Variants in SAMD5 observed in about 807,000 individuals in gnomAD.
SAMD5 encodes the protein sterile alpha motif domain containing 5, also known as sterile alpha motif domain-containing protein 5.
A neutral mutation model predicts 11.3 loss-of-function variants in SAMD5; 13 were observed. The ratio of observed to expected loss-of-function variants is 1.15; its 90% CI spans 0.75 to 1.83. The LOEUF (loss-of-function observed/expected upper bound fraction) is 1.83, where lower values mean the gene tolerates loss of function less well. Ranked by LOEUF, SAMD5 falls within the 40% of genes most tolerant of loss-of-function variation. The pLI is 0.00. For missense variants in SAMD5, 255 were observed against 239.1 expected (o/e 1.07, Z -0.44); for synonymous variants, 129 against 111.3 (o/e 1.16, Z -1.00).
At chr6:147,858,311 T>C in the SAMD5 span, among the ~76,000 whole-genome samples, 2 of 152,180 alleles carry the variant, frequency 1.3e-5, no homozygotes, top group Admixed American at 6.5e-5. Flanking sequence ...GCTAGTATAC[T>C]TCTTGGGCCT....
intron 1 of SAMD5, among the ~76,000 whole-genome samples, chr6:147,680,180 T>G (rs1226851429): frequency 6.6e-6 from 1 of 152,116 alleles, no homozygotes; most frequent in Non-Finnish European, 1.5e-5. Flanking sequence ...CGTAACTGTC[T>G]CTCCATTTAT....
the SAMD5 span, among the ~76,000 whole-genome samples, chr6:147,884,375 C>T: frequency 5.9e-5 from 9 of 152,162 alleles, no homozygotes; most frequent in Non-Finnish European, 7.3e-5. Flanking sequence ...GTTGATTTCC[C>T]GGGACACCTG....
intron 1 of SAMD5, among the ~76,000 whole-genome samples, chr6:147,719,761 AT>A (rs749781663): frequency 8.5e-4 from 130 of 152,298 alleles, no homozygotes; most frequent in Non-Finnish European, 1.5e-3. Flanking sequence ...GTGAAGACAG[AT>A]TTTTTGCTAA....
the SAMD5 span, among the ~76,000 whole-genome samples, chr6:147,840,818 G>A: frequency 6.6e-6 from 1 of 152,218 alleles, no homozygotes; most frequent in Non-Finnish European, 1.5e-5. Context: ...ATAATGATCA[G>A]TATTTAAGTT....
chr6:147,770,878 A>G, the SAMD5 span, among the ~76,000 whole-genome samples: 2 of 152,248 alleles, frequency 1.3e-5, no homozygotes, highest in African/African-American at 4.8e-5. Flanking sequence ...GAAAGAAACA[A>G]TGCCAATAAT....
At chr6:147,904,721 C>T in the SAMD5 span, among the ~76,000 whole-genome samples, 66 of 152,282 alleles carry the variant, frequency 4.3e-4, no homozygotes, top group African/African-American at 1.4e-3. Flanking sequence ...GACTGCTTTT[C>T]CCGCTTGCGG....
At chr6:147,895,622 A>G in the SAMD5 span, among the ~76,000 whole-genome samples, 5 of 152,178 alleles carry the variant, frequency 3.3e-5, no homozygotes, top group Non-Finnish European at 7.3e-5. Context: ...AATGAGAGTA[A>G]TGAAAGGCTT....
the SAMD5 span, among the ~76,000 whole-genome samples, chr6:147,773,113 C>CT: frequency 6.6e-6 from 1 of 152,196 alleles, no homozygotes; most frequent in East Asian, 1.9e-4. Context: ...CCTGGGGGCT[C>CT]TCCCCTCCTA....
chr6:147,634,020 C>A (rs1450071511), intron 1 of SAMD5, among the ~76,000 whole-genome samples: 3 of 151,860 alleles, frequency 2.0e-5, no homozygotes, highest in African/African-American at 7.2e-5. Context: ...AACTACTAAT[C>A]TCCTTTCTGC....
At chr6:147,879,129 A>G in the SAMD5 span, among the ~76,000 whole-genome samples, 1 of 152,216 alleles carries the variant, frequency 6.6e-6, no homozygotes, top group Non-Finnish European at 1.5e-5. Context: ...TCAACAAAGA[A>G]TGTGTGTAGA....
At chr6:147,594,084 G>A (rs187429267) in intron 1 of SAMD5, among the ~76,000 whole-genome samples, 4 of 152,120 alleles carry the variant, frequency 2.6e-5, no homozygotes, top group African/African-American at 7.2e-5. Flanking sequence ...AGCTGAGATC[G>A]CGCCACTGCA....
At chr6:147,660,604 A>G (rs1790634068) in intron 1 of SAMD5, 1 of 152,244 alleles carries the variant, frequency 6.6e-6, no homozygotes, top group Non-Finnish European at 1.5e-5. Flanking sequence ...TAATTGGATC[A>G]TAAGGGCGGA....
chr6:147,802,027 G>A, the SAMD5 span, among the ~76,000 whole-genome samples: 4,459 of 152,166 alleles, frequency 0.029, 107 homozygotes, highest in Middle Eastern at 0.044. Flanking sequence ...TAGGGCATAG[G>A]ATTTCTAACA....
chr6:147,509,835 G>A lies in SAMD5; in HGVS notation c.459+448G>A, dbSNP rs1039699832. On this transcript the variant is annotated intron_variant, in intron 1 of 1. Transcript: ENST00000367474. ...TCTTGAGAAACTCCTAAGGGAAATC[G>A]GTGAACTCTTTAAAGAGTGGAAAGT... 2.6e-5 allele frequency among the ~76,000 whole-genome samples: 4 copies of A among 151,988 alleles called. No homozygotes were observed. In the East Asian group the frequency reaches 7.7e-4, roughly 29 times the overall value.
At chr6:147,871,728 T>A in the SAMD5 span, among the ~76,000 whole-genome samples, 1 of 152,202 alleles carries the variant, frequency 6.6e-6, no homozygotes, top group Non-Finnish European at 1.5e-5. Context: ...ATTAGAGACA[T>A]CAGGCAAGGC....
At chr6:147,645,098 C>T (rs1206346404) in intron 1 of SAMD5, among the ~76,000 whole-genome samples, 1 of 152,176 alleles carries the variant, frequency 6.6e-6, no homozygotes. Flanking sequence ...AATCCCCGGA[C>T]TTTAACAAGG....
chr6:147,519,598 T>C (rs903138809), intron 1 of SAMD5, among the ~76,000 whole-genome samples: 3 of 152,180 alleles, frequency 2.0e-5, no homozygotes, highest in Non-Finnish European at 4.4e-5. Flanking sequence ...TTTTTATATA[T>C]CATGGTGTTA....
chr6:147,859,762 G>GTTTGTT, the SAMD5 span, among the ~76,000 whole-genome samples: 1 of 151,784 alleles, frequency 6.6e-6, no homozygotes, highest in Non-Finnish European at 1.5e-5. Context: ...TTGTTTGTTT[G>GTTTGTT]TTTGTTTTTG....
At chr6:147,618,850 C>T (rs1310643002) in intron 1 of SAMD5, among the ~76,000 whole-genome samples, 1 of 152,240 alleles carries the variant, frequency 6.6e-6, no homozygotes, top group Non-Finnish European at 1.5e-5. Flanking sequence ...TTCATCTCTT[C>T]AAAGTACTAT....
Sources: gnomAD v4.1 joint callset for allele counts (sites outside exome capture counted in the v4.1 genomes callset) on GRCh38, gnomAD v4.1.1 for gene constraint, MANE v1.5 for transcripts, NCBI Gene and HGNC (gene_info 2026-07-23, HGNC 2026-07-21) for gene names.